Variants in PAPSS2 observed in about 807,000 individuals in gnomAD.
PAPSS2 encodes the protein bifunctional 3'-phosphoadenosine 5'-phosphosulfate synthase 2.
PAPSS2 carries 61 observed loss-of-function variants against 66.5 expected under a neutral mutation model. The ratio of observed to expected loss-of-function variants is 0.92; its 90% CI spans 0.75 to 1.14. The LOEUF is 1.14. Among genes scored for constraint, PAPSS2 ranks in the 50% most tolerant of loss-of-function variants. The pLI is 0.00. For missense variants in PAPSS2, 708 were observed against 789.6 expected (o/e 0.90, Z 1.24); for synonymous variants, 289 against 287.5 (o/e 1.01, Z -0.05).
At chr10:87,703,896 TAC>T in intron 1 of PAPSS2, 1 of 508,292 alleles carries the variant, frequency 2.0e-6, no homozygotes. Context: ...GTTCTCTATG[TAC>T]ACACAGCAAG....
intron 9 of PAPSS2, among the ~76,000 whole-genome samples, chr10:87,734,701 ATATATG>A (rs1408506149): frequency 8.5e-5 from 11 of 129,902 alleles, no homozygotes; most frequent in Middle Eastern, 4.0e-3. Context: ...ATATATATAT[ATATATG>A]TATGTATTCT....
intron 9 of PAPSS2, among the ~76,000 whole-genome samples, chr10:87,737,384 T>C (rs190305525): frequency 7.7e-4 from 116 of 149,784 alleles, no homozygotes; most frequent in African/African-American, 2.6e-3. Flanking sequence ...AAAAAAAAAA[T>C]TAAGGTAAAA....
At chr10:87,707,326 G>A (rs1466208611) in intron 1 of PAPSS2, among the ~76,000 whole-genome samples, 4 of 152,200 alleles carry the variant, frequency 2.6e-5, no homozygotes, top group Admixed American at 2.6e-4. Flanking sequence ...GGTCCCCTAA[G>A]TCTTGAAGCC....
At chr10:87,702,439 G>T (rs1853330143) in intron 1 of PAPSS2, among the ~76,000 whole-genome samples, 1 of 152,220 alleles carries the variant, frequency 6.6e-6, no homozygotes, top group Admixed American at 6.5e-5. Context: ...GCACGTGGAA[G>T]TGGAGCTCCT....
chr10:87,659,963 T>G lies in PAPSS2; in HGVS notation c.-19T>G, dbSNP rs768249504. ...CGGTCTCTGCTCCCGGGACCCGGGC[T>G]CCGCCGCAGCCAGCCAGCATGTCGG... On this transcript the variant is annotated 5_prime_UTR_variant, in exon 1 of 13. Transcript: ENST00000456849. The G allele has an allele frequency of 6.2e-7, 1 of 1,612,238 alleles. No individual in the cohort carries two copies. The highest frequency in any genetic ancestry group is 8.5e-7 in the Non-Finnish European group (1 of 1,179,518).
rs558549842 is a variant in PAPSS2, at chr10:87,707,310, C to T, written c.28-1886C>T. 7.2e-5 allele frequency among the ~76,000 whole-genome samples: 11 copies of T among 152,250 alleles called. No individual in the cohort carries two copies. The South Asian group carries it at 1.7e-3, about 23-fold the overall frequency. On this transcript the variant is annotated intron_variant, in intron 1 of 12. Transcript: ENST00000456849. Reference sequence around the variant, plus strand: ...CTTTCCTAATTTGACACTGAAAGGCCGGTAGGGTCCCCTAAGTCTTGAAGC... The same window carrying T: ...CTTTCCTAATTTGACACTGAAAGGCTGGTAGGGTCCCCTAAGTCTTGAAGC...
At position 87,693,062 on chromosome 10, in the gene PAPSS2, G is replaced by A. The variant is rs181912962; in HGVS notation, c.28-16134G>A. Among the ~76,000 whole-genome samples, 807 of 152,248 alleles carry A rather than the reference G, an allele frequency of 5.3e-3. 18 individuals are homozygous for A. Among genetic ancestry groups the A allele is most frequent in the Admixed American group, 0.048 (739 of 15,292 alleles). On this transcript the variant is annotated intron_variant, in intron 1 of 12. Coordinates refer to ENST00000456849, the MANE Select transcript of PAPSS2 (RefSeq NM_001015880.2). ...ATAATGACAGTAAGTCTCTAGAAAG[G>A]CGTTAATCTGACTCTTCCAAAAATG...
intron 1 of PAPSS2, among the ~76,000 whole-genome samples, chr10:87,673,659 C>T (rs1852907718): frequency 6.8e-6 from 1 of 147,848 alleles, no homozygotes; most frequent in Non-Finnish European, 1.5e-5. Flanking sequence ...AGATGCCTGC[C>T]AGAAAGCTCA....
chr10:87,697,544 T>G (rs1589428162), intron 1 of PAPSS2, among the ~76,000 whole-genome samples: 1 of 152,176 alleles, frequency 6.6e-6, no homozygotes, highest in African/African-American at 2.4e-5. Context: ...CATAGAATTG[T>G]ACCAGCTGGA....
chr10:87,715,694 A>G (rs1589435514), intron 6 of PAPSS2, 38 bp from the exon 7 acceptor site: 1 of 1,338,524 alleles, frequency 7.5e-7, no homozygotes, highest in Non-Finnish European at 1.1e-6. Flanking sequence ...GGAAAACAGA[A>G]CTTATGAAAA....
intron 1 of PAPSS2, 63 bp from the exon 2 acceptor site, chr10:87,709,133 G>T: frequency 9.7e-7 from 1 of 1,026,648 alleles, no homozygotes; most frequent in East Asian, 2.4e-5. Context: ...ATTTATATTG[G>T]CTCCAGTGAA....
At chr10:87,708,336 T>C (rs945602411) in intron 1 of PAPSS2, among the ~76,000 whole-genome samples, 1 of 152,254 alleles carries the variant, frequency 6.6e-6, no homozygotes, top group Admixed American at 6.5e-5. Flanking sequence ...CATTAACCCT[T>C]GAGAAAGTGG....
intron 10 of PAPSS2, 94 bp from the exon 11 acceptor site, chr10:87,743,279 C>T: frequency 7.8e-7 from 1 of 1,284,848 alleles, no homozygotes; most frequent in Non-Finnish European, 1.1e-6. Flanking sequence ...AATGAATGCA[C>T]AGAACAATAA....
intron 9 of PAPSS2, among the ~76,000 whole-genome samples, chr10:87,736,627 G>A (rs1853805037): frequency 6.6e-6 from 1 of 152,068 alleles, no homozygotes; most frequent in Non-Finnish European, 1.5e-5. Flanking sequence ...AACATTTGTG[G>A]GGCCCAGAGC....
At chr10:87,668,317 A>G (rs887241627) in intron 1 of PAPSS2, among the ~76,000 whole-genome samples, 2 of 152,160 alleles carry the variant, frequency 1.3e-5, no homozygotes, top group African/African-American at 4.8e-5. Context: ...CCTCACGTAT[A>G]TATTTGTTTA....
intron 8 of PAPSS2, 44 bp from the exon 9 acceptor site, chr10:87,727,240 C>T (rs1265282266): frequency 4.1e-5 from 62 of 1,516,524 alleles, no homozygotes; most frequent in Non-Finnish European, 5.1e-5. Flanking sequence ...AAGGATGGCA[C>T]ACCTTATATC....
chr10:87,681,314 C>A (rs1005020599), intron 1 of PAPSS2, among the ~76,000 whole-genome samples: 1 of 152,146 alleles, frequency 6.6e-6, no homozygotes, highest in Admixed American at 6.5e-5. Context: ...TTCTTGAAAC[C>A]ATGCTTACCA....
intron 1 of PAPSS2, among the ~76,000 whole-genome samples, chr10:87,671,293 T>C (rs1852875176): frequency 6.6e-6 from 1 of 152,232 alleles, no homozygotes; most frequent in African/African-American, 2.4e-5. Flanking sequence ...ACTAAAAGGA[T>C]GATGCAGGCG....
chr10:87,669,843 G>A lies in PAPSS2; in HGVS notation c.27+9835G>A, dbSNP rs538144616. ...AAGTTAGAATCTTATTAGCTTCTCT[G>A]TAGTTAATAAGATGTTTATTTCATA... On this transcript the variant is annotated intron_variant, in intron 1 of 12. Coordinates refer to ENST00000456849, the MANE Select transcript of PAPSS2 (RefSeq NM_001015880.2). Among the ~76,000 whole-genome samples, 29 of 152,322 alleles carry A rather than the reference G, an allele frequency of 1.9e-4. No homozygotes were observed. In the South Asian group the frequency reaches 4.6e-3, roughly 24 times the overall value.
Sources: allele counts gnomAD v4.1 joint callset (sites outside exome capture counted in the v4.1 genomes callset), GRCh38; gene constraint gnomAD v4.1.1; transcripts MANE v1.5; gene names NCBI Gene and HGNC (gene_info 2026-07-23, HGNC 2026-07-21).